CAMK1D: variants seen among roughly 807,000 people sequenced by gnomAD.
The protein encoded by CAMK1D is calcium/calmodulin dependent protein kinase ID, also known as calcium/calmodulin-dependent protein kinase type 1D.
A neutral mutation model predicts 47.7 loss-of-function variants in CAMK1D; 9 were observed. The ratio of observed to expected loss-of-function variants is 0.19; its 90% CI spans 0.11 to 0.33. The LOEUF (loss-of-function observed/expected upper bound fraction) is 0.33, where lower values mean the gene tolerates loss of function less well. Among genes scored for constraint, CAMK1D ranks in the 10% least tolerant of loss-of-function variants. CAMK1D has a pLI of 1.00. For missense variants in CAMK1D, 291 were observed against 488.7 expected, an observed-to-expected ratio of 0.60 and a Z score of 3.81; for synonymous variants, 184 against 184.9, an observed-to-expected ratio of 0.99 and a Z score of 0.04.
intron 2 of CAMK1D, among the ~76,000 whole-genome samples, chr10:12,593,722 A>C (rs990182427): frequency 6.6e-6 from 1 of 152,216 alleles, no homozygotes; most frequent in East Asian, 1.9e-4. Context: ...ACAAAATACC[A>C]TCCCCCGTGG....
chr10:12,501,057 C>A (rs552893854), intron 1 of CAMK1D, among the ~76,000 whole-genome samples: 1 of 152,164 alleles, frequency 6.6e-6, no homozygotes, highest in African/African-American at 2.4e-5. Flanking sequence ...CCCTGTCCAC[C>A]GGACTCCAAA....
At chr10:12,818,966 G>A (rs1020370635) in intron 8 of CAMK1D, among the ~76,000 whole-genome samples, 15 of 152,244 alleles carry the variant, frequency 9.9e-5, no homozygotes, top group African/African-American at 3.6e-4. Context: ...AAACATATTA[G>A]GCCTTTAAAG....
At chr10:12,395,876 G>A (rs956826588) in intron 1 of CAMK1D, among the ~76,000 whole-genome samples, 6 of 151,882 alleles carry the variant, frequency 4.0e-5, no homozygotes, top group South Asian at 2.1e-4. Flanking sequence ...GCTGTGGGCC[G>A]TGATTGCACC....
At chr10:12,823,948 G>A (rs544976902) in intron 8 of CAMK1D, among the ~76,000 whole-genome samples, 3 of 152,150 alleles carry the variant, frequency 2.0e-5, no homozygotes, top group African/African-American at 7.2e-5. Flanking sequence ...TGCCCTGGGA[G>A]CAGCGCCCCT....
intron 3 of CAMK1D, among the ~76,000 whole-genome samples, chr10:12,667,465 A>T (rs919888640): frequency 2.0e-5 from 3 of 152,214 alleles, no homozygotes; most frequent in African/African-American, 7.2e-5. Context: ...ATGCATTTTT[A>T]AAAATTTAGC....
Position 12,499,312 on chromosome 10 carries a change from G to T in CAMK1D, c.93-53913G>T, listed in dbSNP as rs141396980. On this transcript the variant is annotated intron_variant, in intron 1 of 10. Coordinates refer to ENST00000619168, the MANE Select transcript of CAMK1D (RefSeq NM_153498.4). ...GGACGGTCCTGGGTCTCATTTCATT[G>T]CCAGGAGCAGATCCCTCTTTTCTCA... is the stretch of plus-strand genomic sequence containing the variant. 3.9e-5 allele frequency among the ~76,000 whole-genome samples: 6 copies of T among 152,084 alleles called. No individual in the cohort carries two copies. The East Asian group carries it at 9.7e-4, about 24-fold the overall frequency.
At chr10:12,619,004 C>T (rs1307816252) in intron 2 of CAMK1D, among the ~76,000 whole-genome samples, 1 of 152,214 alleles carries the variant, frequency 6.6e-6, no homozygotes, top group Non-Finnish European at 1.5e-5. Context: ...TCCAAAGTCT[C>T]TCTCTCTCAG....
chr10:12,549,718 C>G (rs927135785), intron 1 of CAMK1D, among the ~76,000 whole-genome samples: 2 of 152,204 alleles, frequency 1.3e-5, no homozygotes, highest in African/African-American at 4.8e-5. Flanking sequence ...AACTCCGTGC[C>G]GTTGTCCTGC....
rs1435066006 is a variant in CAMK1D at position 12,829,747 on chromosome 10, A to G, written c.*860A>G. On this transcript the variant is annotated 3_prime_UTR_variant, in exon 11 of 11. Transcript: ENST00000619168. ...GACTCTGTCTCAAAAAAAAAAAAAA[A>G]AATTCTAACAAGAGGATCATGAATC... The G allele has an allele frequency of 6.6e-6, 1 of 151,832 alleles. No individual in the cohort carries two copies. Among genetic ancestry groups the G allele is most frequent in the East Asian group, 1.9e-4 (1 of 5,176 alleles). 9.4% of individuals were successfully genotyped at this position (151,832 alleles called of 1,614,324 possible).
chr10:12,476,595 C>G (rs1355858013), intron 1 of CAMK1D, among the ~76,000 whole-genome samples: 1 of 152,132 alleles, frequency 6.6e-6, no homozygotes, highest in African/African-American at 2.4e-5. Context: ...AAAAATTTCT[C>G]TTATCATGTC....
intron 1 of CAMK1D, among the ~76,000 whole-genome samples, chr10:12,387,356 A>T (rs1405252563): frequency 2.3e-5 from 2 of 87,780 alleles, no homozygotes; most frequent in Admixed American, 3.3e-4. Context: ...ATTATATTTT[A>T]TATATATAAT....
intron 10 of CAMK1D, among the ~76,000 whole-genome samples, chr10:12,827,803 C>T (rs1193515045): frequency 1.3e-5 from 2 of 151,966 alleles, no homozygotes. Context: ...ATCCTCCTGT[C>T]TCAGCCTTCT....
At chr10:12,620,001 AGTT>A (rs1193344836) in intron 2 of CAMK1D, among the ~76,000 whole-genome samples, 4 of 152,106 alleles carry the variant, frequency 2.6e-5, no homozygotes, top group African/African-American at 9.7e-5. Flanking sequence ...GATTTATCGA[AGTT>A]GTTGTATGTA....
intron 3 of CAMK1D, among the ~76,000 whole-genome samples, chr10:12,675,793 A>T (rs1459536722): frequency 6.6e-6 from 1 of 151,458 alleles, no homozygotes; most frequent in East Asian, 1.9e-4. Context: ...GCTCCTGGAA[A>T]CCTCTCTGAC....
At chr10:12,648,553 C>T (rs1307639550) in intron 2 of CAMK1D, among the ~76,000 whole-genome samples, 3 of 152,160 alleles carry the variant, frequency 2.0e-5, no homozygotes, top group Admixed American at 1.3e-4. Context: ...TCACTGCAAC[C>T]TCCGCCCCCC....
chr10:12,638,320 G>A (rs140783753), intron 2 of CAMK1D, among the ~76,000 whole-genome samples: 113 of 152,188 alleles, frequency 7.4e-4, no homozygotes, highest in Non-Finnish European at 1.2e-3. Flanking sequence ...TGCTATTCAC[G>A]CTAGCTGTTC....
At chr10:12,591,096 C>A (rs1448772636) in intron 2 of CAMK1D, among the ~76,000 whole-genome samples, 1 of 152,168 alleles carries the variant, frequency 6.6e-6, no homozygotes, top group Non-Finnish European at 1.5e-5. Context: ...TTTCTTTATG[C>A]CGCTTTCAAG....
intron 1 of CAMK1D, among the ~76,000 whole-genome samples, chr10:12,538,885 CAAAAAA>C (rs60713871): frequency 2.5e-4 from 22 of 89,192 alleles, no homozygotes; most frequent in Admixed American, 4.9e-4. Flanking sequence ...AAAACTGAGG[CAAAAAA>C]AAAAAAAAAA....
chr10:12,735,351 G>A (rs1027476711), intron 3 of CAMK1D, among the ~76,000 whole-genome samples: 20 of 152,252 alleles, frequency 1.3e-4, no homozygotes, highest in African/African-American at 2.9e-4. Flanking sequence ...GGTGGCGGGC[G>A]CCTGTAGTCC....
Sources: allele counts gnomAD v4.1 joint callset (sites outside exome capture counted in the v4.1 genomes callset), GRCh38; gene constraint gnomAD v4.1.1; transcripts MANE v1.5; gene names NCBI Gene and HGNC (gene_info 2026-07-23, HGNC 2026-07-21).